TMEM117: variants seen among roughly 807,000 people sequenced by gnomAD.
TMEM117 encodes the protein transmembrane protein 117.
A neutral mutation model predicts 52.4 loss-of-function variants in TMEM117; 27 were observed. The observed-to-expected ratio is 0.51, with a 90% CI of 0.38 to 0.71. The LOEUF (loss-of-function observed/expected upper bound fraction) is 0.71. TMEM117 is among the 30% of genes least tolerant of loss of function. The pLI is 0.00. For missense variants in TMEM117, 556 were observed against 630.5 expected, an observed-to-expected ratio of 0.88 and a Z score of 1.26; for synonymous variants, 215 against 206.3, an observed-to-expected ratio of 1.04 and a Z score of -0.36.
At chr12:43,905,303 T>G (rs1944367757) in intron 2 of TMEM117, among the ~76,000 whole-genome samples, 1 of 152,196 alleles carries the variant, frequency 6.6e-6, no homozygotes, top group Admixed American at 6.5e-5. Context: ...TCTAGAATAC[T>G]TGAGTATTCT....
chr12:44,149,894 A>C (rs777616552), intron 4 of TMEM117, among the ~76,000 whole-genome samples: 17 of 152,222 alleles, frequency 1.1e-4, no homozygotes, highest in Non-Finnish European at 2.4e-4. Context: ...ATAATAGAAA[A>C]AAAATTTAAA....
chr12:44,017,404 C>T (rs1216941716), intron 3 of TMEM117, among the ~76,000 whole-genome samples: 1 of 150,162 alleles, frequency 6.7e-6, no homozygotes, highest in Non-Finnish European at 1.5e-5. Flanking sequence ...AACCCCAAAC[C>T]CACCAAGTCT....
intron 3 of TMEM117, among the ~76,000 whole-genome samples, chr12:44,092,329 G>A (rs1947687382): frequency 6.6e-6 from 1 of 152,104 alleles, no homozygotes; most frequent in African/African-American, 2.4e-5. Flanking sequence ...CCTCTGACAG[G>A]GTGTTCCTTT....
intron 3 of TMEM117, chr12:44,073,935 C>G (rs1361711156): frequency 6.6e-6 from 1 of 152,132 alleles, no homozygotes; most frequent in Non-Finnish European, 1.5e-5. Flanking sequence ...GATTTTAGTA[C>G]ATGAGCCATT....
intron 4 of TMEM117, among the ~76,000 whole-genome samples, chr12:44,188,518 A>C (rs1949307926): frequency 6.6e-6 from 1 of 152,078 alleles, no homozygotes; most frequent in South Asian, 2.1e-4. Flanking sequence ...GTTATATCTT[A>C]TCTCTTGTCT....
In TMEM117 at chr12:44,076,755, A is replaced by G. The variant is rs74623671; in HGVS notation, c.411-66770A>G. ...CTTAGTCGTTGAACTTTACTATAATAAATATAGCCCTTTGAGAATGGTAGT... is the reference window on the plus strand; with the variant it reads ...CTTAGTCGTTGAACTTTACTATAATGAATATAGCCCTTTGAGAATGGTAGT... On this transcript the variant is annotated intron_variant, in intron 3 of 7. Transcript: ENST00000266534. Among the ~76,000 whole-genome samples the G allele has an allele frequency of 1.4e-3, 213 of 152,336 alleles. 1 individual carries two copies. The East Asian group carries it at 0.029, about 21-fold the overall frequency.
intron 3 of TMEM117, among the ~76,000 whole-genome samples, chr12:43,975,005 T>G (rs1386777745): frequency 6.6e-6 from 1 of 152,176 alleles, no homozygotes; most frequent in Non-Finnish European, 1.5e-5. Context: ...CCATTCAGCC[T>G]TTGCCCTCAA....
At chr12:44,202,574 T>C (rs1949509984) in intron 4 of TMEM117, among the ~76,000 whole-genome samples, 1 of 152,218 alleles carries the variant, frequency 6.6e-6, no homozygotes, top group African/African-American at 2.4e-5. Context: ...TTTGTGTGTA[T>C]GTTCATCAGG....
chr12:44,019,048 C>T (rs1387338930), intron 3 of TMEM117, among the ~76,000 whole-genome samples: 1 of 152,180 alleles, frequency 6.6e-6, no homozygotes, highest in African/African-American at 2.4e-5. Context: ...GTGGACTTCA[C>T]CTAAGTCAGT....
chr12:43,809,525 A>T, the TMEM117 span, among the ~76,000 whole-genome samples: 7 of 152,228 alleles, frequency 4.6e-5, no homozygotes, highest in African/African-American at 1.7e-4. Flanking sequence ...ATATTTTGTT[A>T]GAATTAAGTC....
intron 5 of TMEM117, among the ~76,000 whole-genome samples, chr12:44,242,898 C>T (rs1950081225): frequency 6.6e-6 from 1 of 151,468 alleles, no homozygotes; most frequent in African/African-American, 2.4e-5. Context: ...TAAGTGTTCC[C>T]TTTTTTGTGC....
chr12:44,329,753 T>C (rs1951243702), intron 6 of TMEM117, among the ~76,000 whole-genome samples: 3 of 152,094 alleles, frequency 2.0e-5, no homozygotes, highest in Admixed American at 2.0e-4. Flanking sequence ...ACAAGAACAA[T>C]CATATAGCAT....
chr12:44,249,573 A>G (rs761982405), intron 5 of TMEM117, among the ~76,000 whole-genome samples: 4 of 152,190 alleles, frequency 2.6e-5, no homozygotes, highest in Non-Finnish European at 5.9e-5. Flanking sequence ...GAGGCATCAC[A>G]CTACCTGGCT....
chr12:44,374,932 T>G (rs1322559753), intron 6 of TMEM117, among the ~76,000 whole-genome samples: 1 of 152,114 alleles, frequency 6.6e-6, no homozygotes, highest in African/African-American at 2.4e-5. Flanking sequence ...TGAAAGGTAT[T>G]CTGGTTATCA....
At chr12:44,382,131 C>T (rs1004830458) in intron 7 of TMEM117, among the ~76,000 whole-genome samples, 1 of 152,114 alleles carries the variant, frequency 6.6e-6, no homozygotes, top group African/African-American at 2.4e-5. Context: ...GTCCAAAACT[C>T]ATCTTCTTCA....
intron 3 of TMEM117, among the ~76,000 whole-genome samples, chr12:43,963,653 A>T (rs77611688): frequency 6.6e-6 from 1 of 152,208 alleles, no homozygotes; most frequent in African/African-American, 2.4e-5. Context: ...TAGCCATACA[A>T]TGAGTGATGA....
intron 4 of TMEM117, among the ~76,000 whole-genome samples, chr12:44,200,515 A>G (rs1480273448): frequency 6.6e-6 from 1 of 152,214 alleles, no homozygotes; most frequent in Non-Finnish European, 1.5e-5. Flanking sequence ...TGGGTGATAT[A>G]TGCTCAAATT....
intron 6 of TMEM117, among the ~76,000 whole-genome samples, chr12:44,330,097 T>A (rs953918790): frequency 2.0e-5 from 3 of 151,992 alleles, no homozygotes; most frequent in Non-Finnish European, 4.4e-5. Flanking sequence ...GCCGTACCGT[T>A]TACATTCCCA....
chr12:43,968,281 G>A (rs555652618), intron 3 of TMEM117, among the ~76,000 whole-genome samples: 91 of 152,306 alleles, frequency 6.0e-4, no homozygotes, highest in Non-Finnish European at 6.9e-4. Context: ...ATGAATTTTA[G>A]CCGGCTTTCT....
Sources: gnomAD v4.1 joint callset for allele counts (sites outside exome capture counted in the v4.1 genomes callset) on GRCh38, gnomAD v4.1.1 for gene constraint, MANE v1.5 for transcripts, NCBI Gene and HGNC (gene_info 2026-07-23, HGNC 2026-07-21) for gene names.